Variants in FBXL3 observed in about 807,000 individuals in gnomAD.
FBXL3 encodes the protein F-box and leucine rich repeat protein 3.
FBXL3 carries 14 observed loss-of-function variants against 37.9 expected under a neutral mutation model. The observed-to-expected ratio is 0.37, with a 90% CI of 0.24 to 0.58. The LOEUF (loss-of-function observed/expected upper bound fraction) is 0.58, where lower values mean the gene tolerates loss of function less well. Ranked by LOEUF, FBXL3 falls within the 20% of genes least tolerant of loss-of-function variation. FBXL3 has a pLI of 0.74. For synonymous variants in FBXL3, 194 were observed against 180.1 expected (o/e 1.08, Z -0.62); for missense variants, 327 against 511.1 (o/e 0.64, Z 3.47).
Position 77,006,317 on chromosome 13 carries a change from ATT to A in FBXL3, c.*826_*827del, listed in dbSNP as rs2034450910. ...AATAGGTAAGCTTTTCATTTCAATT[ATT>A]GTTTAATACTTTAAAGCTAGTTTAA... On this transcript the variant is annotated 3_prime_UTR_variant, in exon 5 of 5. Coordinates refer to ENST00000355619, the MANE Select transcript of FBXL3 (RefSeq NM_012158.4). 6.6e-6 allele frequency: 1 copy of A among 152,152 alleles called. No homozygotes were observed. The highest frequency in any genetic ancestry group is 2.4e-5 in the African/African-American group (1 of 41,462). The allele number at this position is 152,152 out of a possible 1,614,324, so 9.4% of individuals were successfully genotyped here. A position where few individuals can be genotyped will look rare whatever the true frequency, so the allele number is the denominator to read the frequency against.
intron 4 of FBXL3, chr13:77,010,862 A>T (rs2154036297): frequency 6.6e-6 from 1 of 152,356 alleles, no homozygotes; most frequent in East Asian, 1.9e-4. Context: ...CTACAGCTCT[A>T]ATGTACAGAA....
chr13:77,018,490 T>C, intron 3 of FBXL3, 110 bp downstream of exon 3: 1 of 736,710 alleles, frequency 1.4e-6, no homozygotes, highest in South Asian at 5.3e-5. Context: ...TGGTTTTCCA[T>C]TATGTATATA....
chr13:77,025,636 C>T (rs2034823217), intron 1 of FBXL3, among the ~76,000 whole-genome samples: 1 of 132,574 alleles, frequency 7.5e-6, no homozygotes, highest in South Asian at 2.3e-4. Context: ...TCGCTAGAGC[C>T]GAGATCGCGC....
chr13:77,006,839 A>G lies in FBXL3; in HGVS notation c.*306T>C. The G allele has an allele frequency of 9.1e-7, 1 of 1,101,732 alleles. No homozygotes were observed. Among genetic ancestry groups the G allele is most frequent in the African/African-American group, 1.6e-5 (1 of 61,330 alleles). 68.2% of individuals were successfully genotyped at this position (1,101,732 alleles called of 1,614,324 possible). On this transcript the variant is annotated 3_prime_UTR_variant, in exon 5 of 5. Coordinates refer to ENST00000355619, the MANE Select transcript of FBXL3 (RefSeq NM_012158.4). ...GAAAACCTATTAGTACTTCTTGGAT[A>G]TTATAACATATAGGTTTTGTTTCCT...
rs148273762 is a variant in FBXL3 at position 77,007,337 on chromosome 13, T to C, written c.1095A>G (p.Gly365=). 17 of 1,614,018 alleles carry C rather than the reference T, an allele frequency of 1.1e-5. No homozygotes were observed. The African/African-American group carries it at 1.7e-4, about 16-fold the overall frequency. ...TACATGAGACTTCACATTCCCCTAG[T>C]CCAATAGCTGACAAATTTTTGCAAC... The part of the protein sequence containing the change: ...AERCKNLSAI[G]LGECEVSCSA... The change falls in exon 5 of 5, where the codon GGA becomes GGG. Residue 365 remains glycine (G), a synonymous_variant. Transcript: ENST00000355619.
chr13:77,026,500 C>T (rs1026811814), intron 1 of FBXL3: 1 of 485,218 alleles, frequency 2.1e-6, no homozygotes, highest in Admixed American at 6.4e-5. Context: ...CACCAGCCCC[C>T]GCCAAGGGTC....
chr13:77,021,946 G>T, intron 1 of FBXL3, 85 bp from the exon 2 acceptor site: 1 of 1,110,476 alleles, frequency 9.0e-7, no homozygotes, highest in Non-Finnish European at 1.3e-6. Flanking sequence ...TCACTGAGAT[G>T]TGTGTTTATA....
At chr13:77,019,063 G>A (rs569936289) in intron 2 of FBXL3, 135 of 174,076 alleles carry the variant, frequency 7.8e-4, no homozygotes, top group African/African-American at 2.7e-3. Flanking sequence ...TAAACTAATG[G>A]AGTAAATCAA....
At chr13:77,015,660 T>C (rs2034630754) in intron 3 of FBXL3, 80 bp from the exon 4 acceptor site, 1 of 887,800 alleles carries the variant, frequency 1.1e-6, no homozygotes, top group Non-Finnish European at 1.6e-6. Flanking sequence ...TACTACAGTT[T>C]ATCTGAACCA....
At chr13:77,024,855 C>T (rs1286098721) in intron 1 of FBXL3, among the ~76,000 whole-genome samples, 2 of 152,038 alleles carry the variant, frequency 1.3e-5, no homozygotes, top group African/African-American at 4.8e-5. Flanking sequence ...GTGCATTAAG[C>T]AATTGAAAAA....
chr13:77,017,445 G>A (rs957852710), intron 3 of FBXL3: 1 of 152,108 alleles, frequency 6.6e-6, no homozygotes, highest in African/African-American at 2.4e-5. Context: ...CATGTAACTA[G>A]TATTTCTTAG....
At position 77,007,049 on chromosome 13, in the gene FBXL3, G is replaced by A; in HGVS notation, c.*96C>T. On this transcript the variant is annotated 3_prime_UTR_variant, in exon 5 of 5. Coordinates refer to ENST00000355619, the MANE Select transcript of FBXL3 (RefSeq NM_012158.4). ...CTGACTGAAGATATCAAATTTCTGT[G>A]CCACAAAATAGTAGAATTATATCAG... 1 of 1,470,626 alleles carries A rather than the reference G, an allele frequency of 6.8e-7. No homozygotes were observed. The highest frequency in any genetic ancestry group is 2.4e-5 in the East Asian group (1 of 41,622). 91.1% of individuals were successfully genotyped at this position (1,470,626 alleles called of 1,614,324 possible).
chr13:77,025,601 T>G (rs2034822218), intron 1 of FBXL3, among the ~76,000 whole-genome samples: 1 of 142,946 alleles, frequency 7.0e-6, no homozygotes, highest in Middle Eastern at 4.0e-3. Context: ...TAGTCTCAGC[T>G]ACTAGGGAGC....
At chr13:77,012,109 T>C (rs1443267537) in intron 4 of FBXL3, among the ~76,000 whole-genome samples, 1 of 152,184 alleles carries the variant, frequency 6.6e-6, no homozygotes, top group East Asian at 1.9e-4. Flanking sequence ...GATGGAGGTT[T>C]TGGGGGCAAC....
In FBXL3 at chr13:77,021,699, A is replaced by G; in HGVS notation, c.162T>C (p.Leu54=). The change falls in exon 2 of 5, where the codon CTT becomes CTC. Residue 54 remains leucine (L), a synonymous_variant. Coordinates refer to ENST00000355619, the MANE Select transcript of FBXL3 (RefSeq NM_012158.4). ...AAACTTGTGAAGCATGAGCCCGGTCAAGAAGAGGCAAATATTTAAATACTT... is the reference window on the plus strand; with the variant it reads ...AAACTTGTGAAGCATGAGCCCGGTCGAGAAGAGGCAAATATTTAAATACTT... ...ILQVFKYLPL[L]DRAHASQVCR... 6.2e-7 allele frequency: 1 copy of G among 1,614,134 alleles called. No homozygotes were observed. The highest frequency in any genetic ancestry group is 1.1e-5 in the South Asian group (1 of 91,088).
intron 1 of FBXL3, among the ~76,000 whole-genome samples, chr13:77,024,883 C>T (rs2034809536): frequency 6.6e-6 from 1 of 152,008 alleles, no homozygotes; most frequent in Admixed American, 6.6e-5. Context: ...GGCCAAATTC[C>T]AATAAAAATA....
intron 1 of FBXL3, 58 bp from the exon 2 acceptor site, chr13:77,021,919 C>A: frequency 7.4e-7 from 1 of 1,349,798 alleles, no homozygotes; most frequent in Non-Finnish European, 1.0e-6. Context: ...GAAATAAACT[C>A]AAAATTCATT....
chr13:77,019,652 C>G (rs2034705955), intron 2 of FBXL3, among the ~76,000 whole-genome samples: 1 of 152,082 alleles, frequency 6.6e-6, no homozygotes, highest in Non-Finnish European at 1.5e-5. Context: ...GTGGGACCAG[C>G]AATTTTTGGC....
rs1340054856 is a variant in FBXL3 at position 77,027,063 on chromosome 13, G to A, written c.-238C>T. 6.6e-6 allele frequency: 1 copy of A among 151,992 alleles called. No homozygotes were observed. Among genetic ancestry groups the A allele is most frequent in the African/African-American group, 2.4e-5 (1 of 41,406 alleles). The allele number at this position is 151,992 out of a possible 1,614,324, so 9.4% of individuals were successfully genotyped here. ...AAGCTTTCCTTCTCAGTCCCGCGCT[G>A]TCTGTGTTCAGGGATCCCCGGCGCC... is the stretch of plus-strand genomic sequence containing the variant. On this transcript the variant is annotated 5_prime_UTR_variant, in exon 1 of 5. Coordinates refer to ENST00000355619, the MANE Select transcript of FBXL3 (RefSeq NM_012158.4).
Sources: allele counts gnomAD v4.1 joint callset (sites outside exome capture counted in the v4.1 genomes callset), GRCh38; gene constraint gnomAD v4.1.1; transcripts MANE v1.5; gene names NCBI Gene and HGNC (gene_info 2026-07-23, HGNC 2026-07-21).